The following GRIK2 variants were observed in gnomAD, a reference collection of about 807,000 sequenced individuals.
GRIK2 encodes glutamate ionotropic receptor kainate type subunit 2, also known as glutamate receptor ionotropic, kainate 2.
GRIK2 carries 32 observed loss-of-function variants against 100.3 expected under a neutral mutation model. The ratio of observed to expected loss-of-function variants is 0.32; its 90% CI spans 0.24 to 0.43. GRIK2 has a LOEUF of 0.43. Among genes scored for constraint, GRIK2 ranks in the 20% least tolerant of loss-of-function variants. The pLI is 1.00. For missense variants in GRIK2, 843 were observed against 1,114.9 expected (o/e 0.76, Z 3.47); for synonymous variants, 417 against 389.4 (o/e 1.07, Z -0.83).
chr6:101,828,758 AGGAAT>A (rs1249984855), intron 10 of GRIK2, among the ~76,000 whole-genome samples: 1 of 151,800 alleles, frequency 6.6e-6, no homozygotes, highest in Admixed American at 6.6e-5. Flanking sequence ...TAATGAGCAA[AGGAAT>A]TGAATCATTA....
chr6:101,912,777 T>G (rs540509676), intron 12 of GRIK2, among the ~76,000 whole-genome samples: 1 of 151,694 alleles, frequency 6.6e-6, no homozygotes, highest in Admixed American at 6.6e-5. Flanking sequence ...GTTCTTAATA[T>G]TTCTCTTTAT....
At chr6:101,592,897 T>C (rs1778740671) in intron 2 of GRIK2, among the ~76,000 whole-genome samples, 1 of 151,690 alleles carries the variant, frequency 6.6e-6, no homozygotes, top group Admixed American at 6.6e-5. Flanking sequence ...ACAGATGCTG[T>C]AAGGAATTAC....
intron 9 of GRIK2, among the ~76,000 whole-genome samples, chr6:101,815,143 G>A (rs1234922803): frequency 1.3e-5 from 2 of 152,096 alleles, no homozygotes; most frequent in Non-Finnish European, 2.9e-5. Flanking sequence ...TAACAACAAG[G>A]CTATGATGGA....
intron 2 of GRIK2, among the ~76,000 whole-genome samples, chr6:101,577,461 T>C (rs1009595886): frequency 2.0e-5 from 3 of 152,102 alleles, no homozygotes; most frequent in Admixed American, 1.3e-4. Flanking sequence ...AGAAACCATA[T>C]TTTTTCTTCT....
At chr6:101,502,551 A>G (rs1465411736) in intron 2 of GRIK2, among the ~76,000 whole-genome samples, 2 of 152,224 alleles carry the variant, frequency 1.3e-5, no homozygotes, top group East Asian at 1.9e-4. Flanking sequence ...ATGTAAAAGT[A>G]TAAGAATATA....
intron 3 of GRIK2, among the ~76,000 whole-genome samples, chr6:101,622,708 ATACTT>A (rs1780223531): frequency 6.6e-6 from 1 of 152,034 alleles, no homozygotes; most frequent in Non-Finnish European, 1.5e-5. Context: ...CATAATTAGA[ATACTT>A]TATGAGTTTT....
intron 2 of GRIK2, chr6:101,430,479 A>G: frequency 4.7e-6 from 1 of 212,950 alleles, no homozygotes; most frequent in Non-Finnish European, 1.0e-5. Flanking sequence ...ATCCACACCG[A>G]GTATTTGAGC....
chr6:101,971,109 A>T (rs886324975), intron 14 of GRIK2, among the ~76,000 whole-genome samples: 2 of 149,500 alleles, frequency 1.3e-5, no homozygotes, highest in Admixed American at 6.6e-5. Context: ...GAATTTTGAA[A>T]TTTTTTCAGA....
intron 2 of GRIK2, among the ~76,000 whole-genome samples, chr6:101,453,703 G>T (rs1211933303): frequency 1.3e-5 from 2 of 151,934 alleles, no homozygotes; most frequent in African/African-American, 4.8e-5. Flanking sequence ...TTCTTGAAAT[G>T]TCAATTGGAA....
At chr6:101,679,228 A>T (rs1168883553) in intron 5 of GRIK2, among the ~76,000 whole-genome samples, 1 of 152,220 alleles carries the variant, frequency 6.6e-6, no homozygotes, top group Non-Finnish European at 1.5e-5. Context: ...AAGTAAAATA[A>T]AGTAAAAATT....
chr6:101,860,248 T>C (rs1022595143), intron 11 of GRIK2, among the ~76,000 whole-genome samples: 1 of 151,962 alleles, frequency 6.6e-6, no homozygotes, highest in Non-Finnish European at 1.5e-5. Context: ...TTACAAAGGG[T>C]TGCAGCATGC....
intron 2 of GRIK2, among the ~76,000 whole-genome samples, chr6:101,507,922 T>A (rs1404612504): frequency 2.0e-5 from 3 of 152,150 alleles, no homozygotes; most frequent in African/African-American, 7.2e-5. Context: ...ACATAAACAT[T>A]TATTTTGGAT....
chr6:101,599,024 C>A (rs796069456), intron 2 of GRIK2, among the ~76,000 whole-genome samples: 6 of 151,698 alleles, frequency 4.0e-5, no homozygotes, highest in African/African-American at 1.4e-4. Context: ...AGGTAGTCAG[C>A]ATAGTATCCA....
At chr6:101,563,148 CAT>C (rs1777102705) in intron 2 of GRIK2, among the ~76,000 whole-genome samples, 2 of 152,142 alleles carry the variant, frequency 1.3e-5, no homozygotes, top group Non-Finnish European at 2.9e-5. Flanking sequence ...ATATGCGACA[CAT>C]GTTTTTAAGC....
intron 7 of GRIK2, among the ~76,000 whole-genome samples, chr6:101,768,857 C>T (rs547010622): frequency 6.6e-6 from 1 of 152,066 alleles, no homozygotes; most frequent in Non-Finnish European, 1.5e-5. Flanking sequence ...TAAATAATAT[C>T]TTAAAGTGCC....
intron 2 of GRIK2, among the ~76,000 whole-genome samples, chr6:101,450,650 A>T (rs2788276): frequency 0.96 from 145,421 of 151,722 alleles, 69,706 homozygotes; most frequent in East Asian, 0.99. Flanking sequence ...CCTACATAAT[A>T]GAGTTCATCC....
chr6:101,659,263 A>G (rs1582908612), intron 4 of GRIK2, among the ~76,000 whole-genome samples: 1 of 152,224 alleles, frequency 6.6e-6, no homozygotes, highest in South Asian at 2.1e-4. Context: ...CATTTATTAA[A>G]TAGGGAATCC....
At chr6:101,497,862 T>TTTATTA (rs539969636) in intron 2 of GRIK2, among the ~76,000 whole-genome samples, 3 of 130,108 alleles carry the variant, frequency 2.3e-5, no homozygotes, top group African/African-American at 7.8e-5. Flanking sequence ...TACAACCTTA[T>TTTATTA]TTATTATTAT....
intron 7 of GRIK2, among the ~76,000 whole-genome samples, chr6:101,765,539 A>G (rs978935597): frequency 1.4e-4 from 21 of 152,088 alleles, no homozygotes; most frequent in Admixed American, 1.2e-3. Flanking sequence ...ATTGCATTTC[A>G]GCTTTGGAGA....
Sources: gnomAD v4.1 joint callset for allele counts (sites outside exome capture counted in the v4.1 genomes callset) on GRCh38, gnomAD v4.1.1 for gene constraint, MANE v1.5 for transcripts, NCBI Gene and HGNC (gene_info 2026-07-23, HGNC 2026-07-21) for gene names.